The following TRAPPC9 variants were observed in gnomAD, a reference collection of about 807,000 sequenced individuals.
TRAPPC9 encodes the protein trafficking protein particle complex subunit 9, also known as IKK2 binding protein.
A neutral mutation model predicts 124.0 loss-of-function variants in TRAPPC9; 83 were observed. The observed-to-expected ratio is 0.67, with a 90% CI of 0.56 to 0.80. TRAPPC9 has a LOEUF of 0.80. TRAPPC9 is among the 30% of genes least tolerant of loss of function. TRAPPC9 has a pLI of 0.00. For synonymous variants in TRAPPC9, 638 were observed against 617.5 expected, an observed-to-expected ratio of 1.03 and a Z score of -0.49; for missense variants, 1,302 against 1,508.3, an observed-to-expected ratio of 0.86 and a Z score of 2.27.
upstream of TRAPPC9, among the ~76,000 whole-genome samples, chr8:140,458,005 G>GAGGAGGAGGAGAGT (rs1429061827): frequency 5.1e-5 from 7 of 136,080 alleles, no homozygotes; most frequent in Non-Finnish European, 8.0e-5. Context: ...GACGGGGAGG[G>GAGGAGGAGGAGAGT]AGGAGGAGGA....
chr8:139,934,502 C>CT (rs1166194140), intron 19 of TRAPPC9, among the ~76,000 whole-genome samples: 11 of 152,230 alleles, frequency 7.2e-5, no homozygotes, highest in Admixed American at 1.3e-4. Context: ...TGCTGACTGG[C>CT]TTTCCTGGTG....
chr8:139,852,902 C>T (rs936775831), intron 21 of TRAPPC9, among the ~76,000 whole-genome samples: 1 of 152,162 alleles, frequency 6.6e-6, no homozygotes, highest in African/African-American at 2.4e-5. Flanking sequence ...CAAACATAGT[C>T]TCTTGGAGGT....
Position 139,907,201 on chromosome 8 carries a change from A to G in TRAPPC9, c.2964+2946T>C, listed in dbSNP as rs924208734. 6.6e-5 allele frequency among the ~76,000 whole-genome samples: 10 copies of G among 152,136 alleles called. No individual in the cohort carries two copies. The highest frequency in any genetic ancestry group is 8.8e-5 in the Non-Finnish European group (6 of 68,028). On this transcript the variant is annotated intron_variant, in intron 20 of 22. Transcript: ENST00000438773. The surrounding 1 kb of genome is among the most constrained non-coding windows in gnomAD (Gnocchi z 4.7). ...AGCTCCCGGCAGCCCTGGGCTGCCC[A>G]TCGTGTCACCGTAGCTGCTTCATAG...
chr8:139,938,839 G>C (rs59813465), intron 19 of TRAPPC9, among the ~76,000 whole-genome samples: 13,063 of 141,616 alleles, frequency 0.092, 1,049 homozygotes, highest in African/African-American at 0.23. Context: ...TAGAGACGGG[G>C]TTTCACCTTG....
chr8:139,850,465 C>T lies in TRAPPC9; in HGVS notation c.3055+35414G>A, dbSNP rs117174991. Among the ~76,000 whole-genome samples, 551 of 152,254 alleles carry T rather than the reference C, an allele frequency of 3.6e-3. 1 individual carries two copies. Among genetic ancestry groups the T allele is most frequent in the Admixed American group, 7.3e-3 (111 of 15,292 alleles). ...CATTGCAATCCCAGCATTGCCTTGTCCTGGGGAGAAACTGAGCTACCTGTG... is the reference window on the plus strand; with the variant it reads ...CATTGCAATCCCAGCATTGCCTTGTTCTGGGGAGAAACTGAGCTACCTGTG... On this transcript the variant is annotated intron_variant, in intron 21 of 22. Coordinates refer to ENST00000438773, the MANE Select transcript of TRAPPC9 (RefSeq NM_001160372.4).
chr8:139,835,441 T>A (rs913468953), intron 21 of TRAPPC9, among the ~76,000 whole-genome samples: 1 of 152,240 alleles, frequency 6.6e-6, no homozygotes, highest in African/African-American at 2.4e-5. Context: ...CGCCCCATTG[T>A]GTCACTGTGA....
At chr8:139,757,044 A>G (rs531529220) in intron 21 of TRAPPC9, among the ~76,000 whole-genome samples, 184 of 132,100 alleles carry the variant, frequency 1.4e-3, no homozygotes, top group African/African-American at 5.5e-3. Flanking sequence ...AGGTCGCAGG[A>G]GGAGCCAGGG....
In TRAPPC9 at chr8:139,728,612, C is replaced by A. The variant is rs562673865; in HGVS notation, c.*2449G>T. Among the ~76,000 whole-genome samples the A allele has an allele frequency of 1.3e-5, 2 of 152,204 alleles. No homozygotes were observed. Among genetic ancestry groups the A allele is most frequent in the African/African-American group, 2.4e-5 (1 of 41,448 alleles). ...AACACCCCTGGCTCCCCACATCCCA[C>A]GGTAAAGCTCCAAACGCTTGGAGCA... On this transcript the variant is annotated 3_prime_UTR_variant, in exon 23 of 23. Transcript: ENST00000438773.
intron 21 of TRAPPC9, among the ~76,000 whole-genome samples, chr8:139,757,420 A>G (rs1267885112): frequency 6.7e-6 from 1 of 148,696 alleles, no homozygotes; most frequent in Non-Finnish European, 1.5e-5. Flanking sequence ...GGATGAGGAC[A>G]GCAGGTCGCA....
chr8:140,116,821 A>AGGCGGAGTTCAGTGAG (rs2060896295), intron 17 of TRAPPC9, among the ~76,000 whole-genome samples: 1 of 103,254 alleles, frequency 9.7e-6, no homozygotes, highest in African/African-American at 2.9e-5. Context: ...GTGGGGCTGA[A>AGGCGGAGTTCAGTGAG]TAGGCGGAGT....
At chr8:139,955,466 C>T (rs150473753) in intron 19 of TRAPPC9, among the ~76,000 whole-genome samples, 2 of 152,040 alleles carry the variant, frequency 1.3e-5, no homozygotes, top group South Asian at 2.1e-4. Flanking sequence ...AGCATCAACA[C>T]GTGAAGCAAA....
At chr8:140,230,977 C>T (rs1275505853) in intron 16 of TRAPPC9, among the ~76,000 whole-genome samples, 1 of 152,168 alleles carries the variant, frequency 6.6e-6, no homozygotes, top group Admixed American at 6.5e-5. Flanking sequence ...GGAAGTCAGA[C>T]TTGGATCTGG....
chr8:140,296,179 G>A (rs2065798456), intron 11 of TRAPPC9, among the ~76,000 whole-genome samples: 1 of 152,216 alleles, frequency 6.6e-6, no homozygotes, highest in African/African-American at 2.4e-5. Flanking sequence ...GCATCAAATA[G>A]TTTTGAGAAT....
At chr8:139,841,467 G>A (rs185882892) in intron 21 of TRAPPC9, among the ~76,000 whole-genome samples, 99 of 152,206 alleles carry the variant, frequency 6.5e-4, no homozygotes, top group Admixed American at 4.1e-3. Flanking sequence ...CTCCCCCAGC[G>A]TGCCTGCTTG....
chr8:139,780,178 G>C (rs1821703879), intron 21 of TRAPPC9, among the ~76,000 whole-genome samples: 1 of 152,166 alleles, frequency 6.6e-6, no homozygotes. Flanking sequence ...TTTATATGGA[G>C]AGGTAAAAGA....
At chr8:140,286,687 T>C (rs1464598511) in intron 13 of TRAPPC9, among the ~76,000 whole-genome samples, 2 of 151,706 alleles carry the variant, frequency 1.3e-5, no homozygotes, top group South Asian at 2.1e-4. Context: ...AGGGGCAGTT[T>C]TGGGGAGGCG....
intron 18 of TRAPPC9, among the ~76,000 whole-genome samples, chr8:140,018,811 T>A (rs1266392098): frequency 6.6e-6 from 1 of 152,230 alleles, no homozygotes; most frequent in Non-Finnish European, 1.5e-5. Flanking sequence ...AATACCCTTA[T>A]TTATTTTCTT....
intron 17 of TRAPPC9, among the ~76,000 whole-genome samples, chr8:140,053,632 T>C (rs1465573357): frequency 3.3e-5 from 5 of 152,204 alleles, no homozygotes; most frequent in African/African-American, 4.8e-5. Flanking sequence ...TCTGTCTGGA[T>C]GTTATCCATT....
At chr8:139,734,419 G>T (rs1320618179) in intron 21 of TRAPPC9, among the ~76,000 whole-genome samples, 1 of 152,352 alleles carries the variant, frequency 6.6e-6, no homozygotes, top group African/African-American at 2.4e-5. Flanking sequence ...GTTTTCCAGT[G>T]TAAGTGACTG....
Sources: gnomAD v4.1 joint callset for allele counts (sites outside exome capture counted in the v4.1 genomes callset) on GRCh38, gnomAD v4.1.1 for gene constraint, Gnocchi (gnomAD v3.1) non-coding constraint, MANE v1.5 for transcripts, NCBI Gene and HGNC (gene_info 2026-07-23, HGNC 2026-07-21) for gene names.